The following CLEC2A variants were observed in gnomAD, a reference collection of about 807,000 sequenced individuals.
CLEC2A encodes the protein C-type lectin domain family 2 member A, also known as keratinocyte-associated C-type lectin.
In CLEC2A, 19 loss-of-function variants were observed where a neutral mutation model predicts 18.6. The observed-to-expected ratio is 1.02, with a 90% CI of 0.71 to 1.50. CLEC2A has a LOEUF of 1.50. Ranked by LOEUF, CLEC2A falls within the 40% of genes most tolerant of loss-of-function variation. The pLI, the probability that CLEC2A is intolerant of heterozygous loss-of-function variation, is 0.00. For synonymous variants in CLEC2A, 74 were observed against 64.0 expected (o/e 1.16, Z -0.75); for missense variants, 190 against 207.9 (o/e 0.91, Z 0.53).
At chr12:9,908,980 T>C (rs1862943472), downstream of CLEC2A, among the ~76,000 whole-genome samples, 1 of 152,230 alleles carries the variant, frequency 6.6e-6, no homozygotes, top group Admixed American at 6.5e-5. Context: ...TTCTCACATA[T>C]ACCTTTTGAG....
At chr12:9,881,519 A>G in the CLEC2A span, 2 of 1,059,534 alleles carry the variant, frequency 1.9e-6, no homozygotes, top group Non-Finnish European at 2.8e-6. Context: ...TGCCAAAGAG[A>G]CATATCCAAG....
chr12:9,929,169 A>T (rs1051072873), intron 1 of CLEC2A, among the ~76,000 whole-genome samples: 3 of 152,116 alleles, frequency 2.0e-5, no homozygotes, highest in Admixed American at 2.0e-4. Flanking sequence ...AGTTGATTCT[A>T]TTGGTATTTA....
chr12:9,879,474 A>G, the CLEC2A span, among the ~76,000 whole-genome samples: 2 of 152,220 alleles, frequency 1.3e-5, no homozygotes, highest in African/African-American at 4.8e-5. Flanking sequence ...TTGAATGACT[A>G]TACACTGGGA....
the CLEC2A span, among the ~76,000 whole-genome samples, chr12:9,889,300 T>A: frequency 2.0e-5 from 3 of 152,232 alleles, no homozygotes; most frequent in Admixed American, 2.0e-4. Flanking sequence ...CTGTGTCAAC[T>A]TGGCTAGGCC....
At chr12:9,922,883 GC>G (rs777585139) in intron 2 of CLEC2A, among the ~76,000 whole-genome samples, 3 of 152,054 alleles carry the variant, frequency 2.0e-5, no homozygotes, top group Non-Finnish European at 4.4e-5. Context: ...CAAATGTAGG[GC>G]AAACTCCAAA....
chr12:9,903,732 T>C (rs1289724720), intron 4 of CLEC2A, among the ~76,000 whole-genome samples: 2 of 152,210 alleles, frequency 1.3e-5, no homozygotes, highest in Non-Finnish European at 2.9e-5. Context: ...GTAATAGATG[T>C]AATTTATCCA....
chr12:9,918,200 T>C (rs545746161), intron 3 of CLEC2A, among the ~76,000 whole-genome samples: 91 of 152,170 alleles, frequency 6.0e-4, no homozygotes, highest in Non-Finnish European at 1.0e-3. Context: ...TGGTATTGCC[T>C]AGGTTTTCTT....
chr12:9,879,150 A>G, the CLEC2A span, among the ~76,000 whole-genome samples: 1 of 139,778 alleles, frequency 7.2e-6, no homozygotes, highest in Non-Finnish European at 1.6e-5. Flanking sequence ...TTGGGAAATG[A>G]AAAAAAAAGA....
At chr12:9,898,880 G>A (rs763444011) in exon 5 of CLEC2A, 68 of 710,938 alleles carry the variant, frequency 9.6e-5, no homozygotes, top group Non-Finnish European at 1.4e-4. Flanking sequence ...TTGGGGAAAC[G>A]GCAGTCAGAG....
intron 4 of CLEC2A, among the ~76,000 whole-genome samples, chr12:9,907,712 A>G (rs926959090): frequency 1.3e-5 from 2 of 152,190 alleles, no homozygotes; most frequent in African/African-American, 4.8e-5. Context: ...ATTTATTCTG[A>G]AACCTGTTCT....
intron 4 of CLEC2A, among the ~76,000 whole-genome samples, chr12:9,915,709 G>A (rs1379187824): frequency 6.6e-6 from 1 of 152,100 alleles, no homozygotes; most frequent in African/African-American, 2.4e-5. Flanking sequence ...GTAGGGGGTG[G>A]GAGAAAGGGG....
intron 2 of CLEC2A, 114 bp downstream of exon 2, chr12:9,926,146 T>A: frequency 1.7e-6 from 1 of 577,552 alleles, no homozygotes; most frequent in Non-Finnish European, 2.9e-6. Context: ...AGGACAAGTG[T>A]CTATAAAACC....
At chr12:9,893,507 A>G in the CLEC2A span, 15 of 1,513,602 alleles carry the variant, frequency 9.9e-6, 1 homozygote, top group South Asian at 1.8e-4. Context: ...GAACCTATGG[A>G]TGTGGATAGA....
At chr12:9,922,264 A>C (rs1483763051) in intron 2 of CLEC2A, 32 bp from the exon 3 acceptor site, 1 of 1,483,058 alleles carries the variant, frequency 6.7e-7, no homozygotes, top group African/African-American at 1.4e-5. Context: ...GATCAGATAA[A>C]GCATATGTTA....
Position 9,913,547 on chromosome 12 carries a change from T to G in CLEC2A, c.*19A>C. 1 of 1,533,516 alleles carries G rather than the reference T, an allele frequency of 6.5e-7. No individual in the cohort carries two copies. Among genetic ancestry groups the G allele is most frequent in the South Asian group, 1.2e-5 (1 of 80,618 alleles). 95.0% of individuals were successfully genotyped at this position (1,533,516 alleles called of 1,614,324 possible). ...TTTCAATCTTGAAGTGTGATAATCA[T>G]TTTCAAGTTTTTTCTGCTCTATAAA... On this transcript the variant is annotated 3_prime_UTR_variant, in exon 5 of 5. Coordinates refer to ENST00000455827, the MANE Select transcript of CLEC2A (RefSeq NM_001130711.2).
intron 4 of CLEC2A, among the ~76,000 whole-genome samples, chr12:9,915,178 C>T (rs1004303325): frequency 1.3e-5 from 2 of 151,766 alleles, no homozygotes; most frequent in Non-Finnish European, 2.9e-5. Flanking sequence ...ATCAGAATGG[C>T]AATTATTAAA....
chr12:9,904,584 A>C (rs764386485), intron 4 of CLEC2A, among the ~76,000 whole-genome samples: 1 of 152,094 alleles, frequency 6.6e-6, no homozygotes, highest in African/African-American at 2.4e-5. Flanking sequence ...GTTGGGTCCC[A>C]CATGTTCTCC....
chr12:9,917,114 T>A (rs1565531967), intron 3 of CLEC2A, among the ~76,000 whole-genome samples: 1 of 152,220 alleles, frequency 6.6e-6, no homozygotes, highest in Non-Finnish European at 1.5e-5. Flanking sequence ...CTAACTTCTA[T>A]ATAAATATAA....
chr12:9,913,794 A>G (rs936744511), intron 4 of CLEC2A, 114 bp from the exon 5 acceptor site: 2 of 642,580 alleles, frequency 3.1e-6, no homozygotes, highest in African/African-American at 3.7e-5. Flanking sequence ...CTCCCAGAAA[A>G]TATACCCACC....
Sources: allele counts gnomAD v4.1 joint callset (sites outside exome capture counted in the v4.1 genomes callset), GRCh38; gene constraint gnomAD v4.1.1; transcripts MANE v1.5; gene names NCBI Gene and HGNC (gene_info 2026-07-23, HGNC 2026-07-21).